MAGI1: variants seen among roughly 807,000 people sequenced by gnomAD.
The protein encoded by MAGI1 is membrane associated guanylate kinase, WW and PDZ domain containing 1.
Under a neutral mutation model 139.9 loss-of-function variants are expected in MAGI1, and 58 were observed. The ratio of observed to expected loss-of-function variants is 0.41; its 90% CI spans 0.34 to 0.52. MAGI1 has a LOEUF of 0.52. Ranked by LOEUF, MAGI1 falls within the 20% of genes least tolerant of loss-of-function variation. The pLI, the probability that MAGI1 is intolerant of heterozygous loss-of-function variation, is 0.12. For synonymous variants in MAGI1, 812 were observed against 737.9 expected (o/e 1.10, Z -1.63); for missense variants, 1,874 against 1,901.6 (o/e 0.99, Z 0.27).
intron 2 of MAGI1, among the ~76,000 whole-genome samples, chr3:65,617,696 C>G (rs1201668673): frequency 6.6e-6 from 1 of 152,074 alleles, no homozygotes; most frequent in African/African-American, 2.4e-5. Flanking sequence ...AGACTCTGAC[C>G]TTCCTTATAT....
chr3:65,387,690 A>C (rs9847394), intron 14 of MAGI1, among the ~76,000 whole-genome samples: 141,483 of 152,244 alleles, frequency 0.93, 66,295 homozygotes, highest in Non-Finnish European at 1. Flanking sequence ...ATTTCAAGCC[A>C]GAATAGTCTT....
intron 1 of MAGI1, among the ~76,000 whole-genome samples, chr3:65,813,422 C>T (rs76593839): frequency 0.017 from 2,645 of 151,638 alleles, 73 homozygotes; most frequent in African/African-American, 0.06. Context: ...GAAGGAGATG[C>T]GAATTATGAA....
rs78313739 is a variant in MAGI1, at chr3:65,507,825, G to C, written c.431-14194C>G. 2.0e-5 allele frequency among the ~76,000 whole-genome samples: 3 copies of C among 152,148 alleles called. No individual in the cohort carries two copies. The East Asian group carries it at 5.8e-4, about 29-fold the overall frequency. ...TATGTTATGGACTATATAGTTTCTA[G>C]ATAGATGAGTCATAGAAATTATTTT... On this transcript the variant is annotated intron_variant, in intron 2 of 22. Transcript: ENST00000402939.
At chr3:65,435,011 C>T (rs910273437) in intron 10 of MAGI1, among the ~76,000 whole-genome samples, 1 of 152,200 alleles carries the variant, frequency 6.6e-6, no homozygotes, top group Non-Finnish European at 1.5e-5. Context: ...CTCTACTCTG[C>T]ACCACATGAG....
intron 1 of MAGI1, among the ~76,000 whole-genome samples, chr3:65,827,422 C>T (rs2042287111): frequency 6.6e-6 from 1 of 152,194 alleles, no homozygotes; most frequent in African/African-American, 2.4e-5. Context: ...TTTAAAGTCT[C>T]TTTATGTTCA....
intron 1 of MAGI1, among the ~76,000 whole-genome samples, chr3:65,858,945 T>A (rs932288331): frequency 6.6e-6 from 1 of 152,192 alleles, no homozygotes; most frequent in Non-Finnish European, 1.5e-5. Context: ...ATTGGAGCTG[T>A]CAAACTTAAA....
At chr3:65,710,699 C>A (rs368456944) in intron 1 of MAGI1, among the ~76,000 whole-genome samples, 1 of 152,172 alleles carries the variant, frequency 6.6e-6, no homozygotes, top group African/African-American at 2.4e-5. Context: ...TCATTCCACA[C>A]GTGAAGAAAC....
chr3:65,581,009 G>A (rs888226295), intron 2 of MAGI1, among the ~76,000 whole-genome samples: 2 of 152,080 alleles, frequency 1.3e-5, no homozygotes, highest in African/African-American at 4.8e-5. Flanking sequence ...TAGGGCAAAA[G>A]TCAGGATATT....
intron 1 of MAGI1, among the ~76,000 whole-genome samples, chr3:65,985,644 G>C (rs546904319): frequency 6.6e-6 from 1 of 152,066 alleles, no homozygotes; most frequent in African/African-American, 2.4e-5. Context: ...AATAAACATC[G>C]TTTCCAGTAT....
At chr3:65,953,620 G>C (rs1183235262) in intron 1 of MAGI1, among the ~76,000 whole-genome samples, 1 of 152,192 alleles carries the variant, frequency 6.6e-6, no homozygotes. Context: ...GGTGTATCCA[G>C]GGAGGCAGGT....
intron 1 of MAGI1, among the ~76,000 whole-genome samples, chr3:65,807,894 G>C (rs1484596132): frequency 2.0e-5 from 3 of 152,130 alleles, no homozygotes; most frequent in South Asian, 2.1e-4. Flanking sequence ...AAGATCACAG[G>C]GCTGTTTTTT....
At chr3:65,630,910 G>A (rs1576538036) in intron 1 of MAGI1, among the ~76,000 whole-genome samples, 1 of 152,352 alleles carries the variant, frequency 6.6e-6, no homozygotes, top group African/African-American at 2.4e-5. Context: ...TCTGTGCCTT[G>A]CAGGCCATGA....
intron 1 of MAGI1, among the ~76,000 whole-genome samples, chr3:65,969,640 T>G (rs1183590589): frequency 1.3e-5 from 2 of 151,954 alleles, no homozygotes; most frequent in African/African-American, 4.8e-5. Context: ...GTTTAAGGAG[T>G]TGTTGCTCTT....
Position 65,835,831 on chromosome 3 carries a change from G to A in MAGI1, c.313+202165C>T, listed in dbSNP as rs537963335. Among the ~76,000 whole-genome samples, 12 of 152,060 alleles carry A rather than the reference G, an allele frequency of 7.9e-5. No individual in the cohort carries two copies. The South Asian group carries it at 2.3e-3, about 29-fold the overall frequency. The stretch of plus-strand genomic sequence containing the variant: ...CTCTGCACCATATATAGACTCTCCC[G>A]CCCTGTGCTTGAAACCAGAATGCAG... On this transcript the variant is annotated intron_variant, in intron 1 of 22. Transcript: ENST00000402939.
intron 15 of MAGI1, among the ~76,000 whole-genome samples, chr3:65,382,719 A>G (rs78985612): frequency 6.6e-6 from 1 of 152,344 alleles, no homozygotes; most frequent in Non-Finnish European, 1.5e-5. Context: ...ATAGTTGCTA[A>G]GAACATGAAC....
intron 1 of MAGI1, among the ~76,000 whole-genome samples, chr3:65,892,050 C>T (rs921583176): frequency 7.3e-5 from 11 of 150,334 alleles, no homozygotes; most frequent in Admixed American, 2.0e-4. Flanking sequence ...ATACTTTATA[C>T]AGAAAACTCA....
intron 1 of MAGI1, among the ~76,000 whole-genome samples, chr3:65,799,450 G>A (rs759266339): frequency 7.6e-4 from 116 of 152,254 alleles, no homozygotes; most frequent in Admixed American, 1.6e-3. Context: ...AGCTTGTACC[G>A]AAAAATACAA....
rs564973575 is a variant in MAGI1, at chr3:65,508,537, C to A, written c.431-14906G>T. On this transcript the variant is annotated intron_variant, in intron 2 of 22. Transcript: ENST00000402939. ...AGAAATTGGGCCTTTTCAAACAAGC[C>A]TTCCTTATTTCAGAGATGTCAGGTG... is the stretch of plus-strand genomic sequence containing the variant. Among the ~76,000 whole-genome samples, 6 of 152,128 alleles carry A rather than the reference C, an allele frequency of 3.9e-5. No individual in the cohort carries two copies. The South Asian group carries it at 1.2e-3, about 32-fold the overall frequency.
chr3:65,383,664 A>T lies in MAGI1; in HGVS notation c.2417-41T>A, dbSNP rs759368744. 4 of 1,192,992 alleles carry T rather than the reference A, an allele frequency of 3.4e-6. No homozygotes were observed. The Admixed American group carries it at 6.7e-5, about 20-fold the overall frequency. The allele number at this position is 1,192,992 out of a possible 1,614,324, so 73.9% of individuals were successfully genotyped here. A position where few individuals can be genotyped will look rare whatever the true frequency, so the allele number is the denominator to read the frequency against. On this transcript the variant is annotated intron_variant, in intron 14 of 22. Transcript: ENST00000402939. ...AAAAAAGAGAAGGATTATTTTACTGATAAAAGCAATGATACCCCCAAGATG... is the reference window on the plus strand; with the variant it reads ...AAAAAAGAGAAGGATTATTTTACTGTTAAAAGCAATGATACCCCCAAGATG...
Sources: allele counts gnomAD v4.1 joint callset (sites outside exome capture counted in the v4.1 genomes callset), GRCh38; gene constraint gnomAD v4.1.1; transcripts MANE v1.5; gene names NCBI Gene and HGNC (gene_info 2026-07-23, HGNC 2026-07-21).